Variants in ZBTB7C observed in about 807,000 individuals in gnomAD.
The protein encoded by ZBTB7C is zinc finger and BTB domain-containing protein 7C.
In ZBTB7C, 8 loss-of-function variants were observed where a neutral mutation model predicts 25.7. That is an observed-to-expected ratio of 0.31 (90% CI 0.18 to 0.56). The LOEUF (loss-of-function observed/expected upper bound fraction) is 0.56, where lower values mean the gene tolerates loss of function less well. ZBTB7C is among the 20% of genes least tolerant of loss of function. The pLI, the probability that ZBTB7C is intolerant of heterozygous loss-of-function variation, is 0.91. For missense variants in ZBTB7C, 824 were observed against 855.2 expected (o/e 0.96, Z 0.46); for synonymous variants, 394 against 369.0 (o/e 1.07, Z -0.78).
chr18:48,226,085 G>A (rs913478133), intron 2 of ZBTB7C, among the ~76,000 whole-genome samples: 5 of 152,188 alleles, frequency 3.3e-5, no homozygotes. Context: ...GAAAAAATAA[G>A]CCCCGTCATC....
chr18:48,037,167 C>T (rs533397488), intron 4 of ZBTB7C, among the ~76,000 whole-genome samples: 35 of 152,288 alleles, frequency 2.3e-4, no homozygotes, highest in African/African-American at 7.7e-4. Flanking sequence ...TGATCTTTTT[C>T]GGGAGGGTCA....
intron 1 of ZBTB7C, among the ~76,000 whole-genome samples, chr18:48,403,748 C>T (rs1364024990): frequency 6.6e-6 from 1 of 152,042 alleles, no homozygotes; most frequent in African/African-American, 2.4e-5. Flanking sequence ...GTGATGGGTG[C>T]ACCAAAATCT....
intron 2 of ZBTB7C, among the ~76,000 whole-genome samples, chr18:48,231,753 A>C (rs954434856): frequency 6.6e-6 from 1 of 152,194 alleles, no homozygotes; most frequent in African/African-American, 2.4e-5. Flanking sequence ...AGAGAAGGAG[A>C]GAAGAGCTGC....
intron 2 of ZBTB7C, among the ~76,000 whole-genome samples, chr18:48,265,412 G>A (rs2044283194): frequency 1.3e-5 from 2 of 152,170 alleles, no homozygotes; most frequent in Admixed American, 6.5e-5. Context: ...CTAGAACACG[G>A]GAGTTCAAGT....
At chr18:48,280,091 A>T (rs373685578) in intron 2 of ZBTB7C, among the ~76,000 whole-genome samples, 2 of 152,146 alleles carry the variant, frequency 1.3e-5, no homozygotes, top group East Asian at 3.9e-4. Context: ...CAAGGAACTC[A>T]CCCTACAATT....
At chr18:48,343,089 A>G (rs1021885922) in intron 1 of ZBTB7C, among the ~76,000 whole-genome samples, 1 of 152,162 alleles carries the variant, frequency 6.6e-6, no homozygotes, top group Non-Finnish European at 1.5e-5. Flanking sequence ...TCAGTCTTGG[A>G]TCTGTAACCA....
chr18:48,187,644 T>C (rs558300242), intron 2 of ZBTB7C, among the ~76,000 whole-genome samples: 78 of 151,926 alleles, frequency 5.1e-4, no homozygotes, highest in Non-Finnish European at 8.1e-4. Context: ...AAACCCCGTC[T>C]CTACTAAAAA....
chr18:48,137,547 G>C (rs572557079), intron 3 of ZBTB7C, among the ~76,000 whole-genome samples: 1 of 152,180 alleles, frequency 6.6e-6, no homozygotes, highest in African/African-American at 2.4e-5. Flanking sequence ...ATTTCCATTT[G>C]CCTGAAACCT....
intron 2 of ZBTB7C, among the ~76,000 whole-genome samples, chr18:48,294,041 G>A (rs973945456): frequency 3.9e-5 from 6 of 152,240 alleles, no homozygotes; most frequent in Admixed American, 6.5e-5. Context: ...TATGGCCACC[G>A]TGGGAGTCAT....
In ZBTB7C at chr18:48,036,994, G is replaced by A. The variant is rs112975264; in HGVS notation, c.1208+2906C>T. On this transcript the variant is annotated intron_variant, in intron 4 of 4. Coordinates refer to ENST00000590800, the MANE Select transcript of ZBTB7C (RefSeq NM_001318841.2). ...CAAAGGCCCAGTGATTCTGAAGAAT[G>A]TGAGGGGGAGGAGAGTGGGGAGTGT... Among the ~76,000 whole-genome samples, 280 of 152,310 alleles carry A rather than the reference G, an allele frequency of 1.8e-3. 7 individuals are homozygous for A. Among genetic ancestry groups the A allele is most frequent in the African/African-American group, 6.6e-3 (274 of 41,576 alleles).
intron 1 of ZBTB7C, among the ~76,000 whole-genome samples, chr18:48,352,139 T>A (rs1399064471): frequency 6.6e-6 from 1 of 152,220 alleles, no homozygotes; most frequent in Non-Finnish European, 1.5e-5. Context: ...TACCCCATCC[T>A]CGCACCTTTG....
intron 3 of ZBTB7C, among the ~76,000 whole-genome samples, chr18:48,084,213 C>T (rs1034559305): frequency 3.3e-5 from 5 of 152,166 alleles, no homozygotes; most frequent in Admixed American, 2.6e-4. Flanking sequence ...CCTTCCGAGG[C>T]CTCACCCTGG....
At chr18:48,323,276 G>A (rs2046140508) in intron 2 of ZBTB7C, among the ~76,000 whole-genome samples, 1 of 152,170 alleles carries the variant, frequency 6.6e-6, no homozygotes, top group Admixed American at 6.5e-5. Flanking sequence ...TAACATCTCT[G>A]GGCTTCAGTG....
At chr18:48,319,148 G>C (rs1350901753) in intron 2 of ZBTB7C, among the ~76,000 whole-genome samples, 1 of 151,262 alleles carries the variant, frequency 6.6e-6, no homozygotes, top group African/African-American at 2.4e-5. Context: ...GTGTAACCTT[G>C]ATTTGTAACC....
chr18:48,314,926 T>C (rs2045912670), intron 2 of ZBTB7C, among the ~76,000 whole-genome samples: 1 of 152,174 alleles, frequency 6.6e-6, no homozygotes, highest in Admixed American at 6.5e-5. Context: ...AGCCGGCTGT[T>C]AATGGGTTTC....
chr18:48,328,566 C>G (rs1022955043), intron 2 of ZBTB7C, among the ~76,000 whole-genome samples: 3 of 152,150 alleles, frequency 2.0e-5, no homozygotes, highest in Non-Finnish European at 4.4e-5. Flanking sequence ...GTCAGAGGCT[C>G]AGGGGAGGAA....
At chr18:48,029,968 C>T (rs1052581273) in intron 4 of ZBTB7C, 57 bp from the exon 5 acceptor site, 4 of 1,600,256 alleles carry the variant, frequency 2.5e-6, no homozygotes, top group Non-Finnish European at 3.4e-6. Context: ...CCATTCCTAA[C>T]CTTTTGCTCC....
chr18:48,263,729 G>C (rs1240844394), intron 2 of ZBTB7C, among the ~76,000 whole-genome samples: 1 of 149,328 alleles, frequency 6.7e-6, no homozygotes, highest in African/African-American at 2.5e-5. Flanking sequence ...AAGGAGCCAA[G>C]GATATAAACA....
intron 3 of ZBTB7C, among the ~76,000 whole-genome samples, chr18:48,128,346 C>T (rs62087386): frequency 0.34 from 52,009 of 152,208 alleles, 10,052 homozygotes; most frequent in Middle Eastern, 0.5. Flanking sequence ...AAACAACTGG[C>T]CCCATGCACT....
Sources: gnomAD v4.1 joint callset for allele counts (sites outside exome capture counted in the v4.1 genomes callset) on GRCh38, gnomAD v4.1.1 for gene constraint, MANE v1.5 for transcripts, NCBI Gene and HGNC (gene_info 2026-07-23, HGNC 2026-07-21) for gene names.